BNC2: variants seen among roughly 807,000 people sequenced by gnomAD.
BNC2 encodes the protein basonuclin zinc finger protein 2.
A neutral mutation model predicts 76.3 loss-of-function variants in BNC2; 20 were observed. The observed-to-expected ratio is 0.26, with a 90% confidence interval of 0.18 to 0.38. The LOEUF (loss-of-function observed/expected upper bound fraction) is 0.38, where lower values mean the gene tolerates loss of function less well. Among genes scored for constraint, BNC2 ranks in the 10% least tolerant of loss-of-function variants. The pLI, the probability that BNC2 is intolerant of heterozygous loss-of-function variation, is 1.00. For synonymous variants in BNC2, 582 were observed against 514.8 expected, an observed-to-expected ratio of 1.13 and a Z score of -1.77; for missense variants, 1,382 against 1,399.8, an observed-to-expected ratio of 0.99 and a Z score of 0.20.
At chr9:16,435,427 T>C in intron 6 of BNC2, 128 bp downstream of exon 6, 1 of 1,140,288 alleles carries the variant, frequency 8.8e-7, no homozygotes, top group Non-Finnish European at 1.3e-6. Flanking sequence ...TATCACATGA[T>C]CACTGTGGAC....
chr9:16,581,583 C>G (rs912388426), intron 4 of BNC2, among the ~76,000 whole-genome samples: 2 of 152,096 alleles, frequency 1.3e-5, no homozygotes, highest in Non-Finnish European at 2.9e-5. Context: ...AGAATGAAAC[C>G]AACCCTGCCA....
chr9:16,677,309 A>T (rs947614994), intron 3 of BNC2, among the ~76,000 whole-genome samples: 1 of 152,174 alleles, frequency 6.6e-6, no homozygotes, highest in Non-Finnish European at 1.5e-5. Context: ...ATGGTGCCTC[A>T]CACCTGTAAT....
chr9:16,462,623 G>T (rs1194222310), intron 5 of BNC2, among the ~76,000 whole-genome samples: 7 of 152,192 alleles, frequency 4.6e-5, no homozygotes, highest in Non-Finnish European at 7.3e-5. Context: ...TTACTTGTAG[G>T]ATACTTTATC....
intron 4 of BNC2, among the ~76,000 whole-genome samples, chr9:16,565,755 C>G (rs1819148200): frequency 3.3e-5 from 5 of 151,608 alleles, no homozygotes; most frequent in Admixed American, 3.3e-4. Context: ...CTGCAGTGAG[C>G]CAAGATTGCG....
At chr9:16,867,740 T>C (rs1819577401) in intron 1 of BNC2, 1 of 150,424 alleles carries the variant, frequency 6.6e-6, no homozygotes, top group African/African-American at 2.5e-5. Context: ...TTTCTTCTTT[T>C]CTGAACAGCT....
intron 3 of BNC2, among the ~76,000 whole-genome samples, chr9:16,666,399 T>C (rs1044745494): frequency 6.6e-6 from 1 of 152,340 alleles, no homozygotes; most frequent in East Asian, 1.9e-4. Flanking sequence ...CTCAACATCA[T>C]GAATCCTCCA....
chr9:16,532,646 T>TA (rs1818018396), intron 5 of BNC2, among the ~76,000 whole-genome samples: 1 of 152,204 alleles, frequency 6.6e-6, no homozygotes, highest in Non-Finnish European at 1.5e-5. Flanking sequence ...TGAAAAAAAT[T>TA]AAAAACAATG....
intron 1 of BNC2, among the ~76,000 whole-genome samples, chr9:16,750,977 TAC>T (rs1825174702): frequency 6.6e-6 from 1 of 152,208 alleles, no homozygotes; most frequent in South Asian, 2.1e-4. Context: ...GCTAACCAAG[TAC>T]AGAGTTGTGT....
rs372216630 is a variant in BNC2 at position 16,703,793 on chromosome 9, A to G, written c.330+24004T>C. Among the ~76,000 whole-genome samples, 5 of 152,272 alleles carry G rather than the reference A, an allele frequency of 3.3e-5. No individual in the cohort carries two copies. The East Asian group carries it at 9.6e-4, about 29-fold the overall frequency. ...TTTCTGTGCTATATTCTTGAGTTGAATTTTTGTTACATGACTTTCTGACTG... is the reference window on the plus strand; with the variant it reads ...TTTCTGTGCTATATTCTTGAGTTGAGTTTTTGTTACATGACTTTCTGACTG... On this transcript the variant is annotated intron_variant, in intron 3 of 6. Coordinates refer to ENST00000380672, the MANE Select transcript of BNC2 (RefSeq NM_017637.6).
intron 3 of BNC2, among the ~76,000 whole-genome samples, chr9:16,620,794 G>C (rs930944171): frequency 1.3e-5 from 2 of 152,150 alleles, no homozygotes; most frequent in African/African-American, 2.4e-5. Flanking sequence ...GTAGATGAGT[G>C]AATATTTAAA....
intron 3 of BNC2, among the ~76,000 whole-genome samples, chr9:16,705,237 C>G (rs184252396): frequency 6.9e-4 from 102 of 147,976 alleles, no homozygotes; most frequent in Non-Finnish European, 1.0e-3. Flanking sequence ...TAACACAATG[C>G]CATTTCCCTA....
chr9:16,585,846 T>C (rs753556672), intron 3 of BNC2, among the ~76,000 whole-genome samples: 1 of 152,088 alleles, frequency 6.6e-6, no homozygotes, highest in Non-Finnish European at 1.5e-5. Context: ...ATTCAGCTCA[T>C]GTCTGAGTGC....
chr9:16,493,597 T>C (rs1207997313), intron 5 of BNC2, among the ~76,000 whole-genome samples: 3 of 152,160 alleles, frequency 2.0e-5, no homozygotes, highest in Non-Finnish European at 4.4e-5. Flanking sequence ...GACATGCCTA[T>C]ACTGTGCTAT....
chr9:16,708,011 C>T (rs1478513284), intron 3 of BNC2, among the ~76,000 whole-genome samples: 2 of 152,144 alleles, frequency 1.3e-5, no homozygotes, highest in Non-Finnish European at 2.9e-5. Context: ...GAAATCAGAG[C>T]ATGCTACAAA....
chr9:16,696,318 G>A (rs1248920408), intron 3 of BNC2, among the ~76,000 whole-genome samples: 2 of 152,094 alleles, frequency 1.3e-5, no homozygotes, highest in Non-Finnish European at 2.9e-5. Context: ...CATGAAAAAT[G>A]CTTGATAGAC....
chr9:16,707,718 T>A (rs925659348), intron 3 of BNC2, among the ~76,000 whole-genome samples: 3 of 152,204 alleles, frequency 2.0e-5, no homozygotes, highest in Non-Finnish European at 4.4e-5. Flanking sequence ...TTCAGTTCAC[T>A]GCAACCTCCA....
intron 3 of BNC2, among the ~76,000 whole-genome samples, chr9:16,675,828 C>T (rs1822622158): frequency 6.6e-6 from 1 of 152,112 alleles, no homozygotes. Context: ...GCAGATCGAT[C>T]ACTTGAGGTC....
At chr9:16,455,916 G>C (rs1173059148) in intron 5 of BNC2, among the ~76,000 whole-genome samples, 1 of 151,992 alleles carries the variant, frequency 6.6e-6, no homozygotes, top group Non-Finnish European at 1.5e-5. Context: ...AGCTATAATG[G>C]TTCCATGGAA....
rs1245568859 is a variant in BNC2 at position 16,413,115 on chromosome 9, T to G, written c.*5874A>C. 2 of 152,638 alleles carry G rather than the reference T, an allele frequency of 1.3e-5. No homozygotes were observed. The highest frequency in any genetic ancestry group is 2.9e-5 in the Non-Finnish European group (2 of 68,042). The allele number at this position is 152,638 out of a possible 1,614,324, so 9.5% of individuals were successfully genotyped here. On this transcript the variant is annotated 3_prime_UTR_variant, in exon 7 of 7. Coordinates refer to ENST00000380672, the MANE Select transcript of BNC2 (RefSeq NM_017637.6). Reference sequence around the variant, plus strand: ...CTTCTTGCTGCTCAGCCCTGGCTTTTTTCTTTCCTCTTTTGTAATGGTCCA... The same window carrying G: ...CTTCTTGCTGCTCAGCCCTGGCTTTGTTCTTTCCTCTTTTGTAATGGTCCA...
Sources: allele counts gnomAD v4.1 joint callset (sites outside exome capture counted in the v4.1 genomes callset), GRCh38; gene constraint gnomAD v4.1.1; transcripts MANE v1.5; gene names NCBI Gene and HGNC (gene_info 2026-07-23, HGNC 2026-07-21).